GARNL3: variants seen among roughly 807,000 people sequenced by gnomAD.
The protein encoded by GARNL3 is GTPase activating Rap/RanGAP domain like 3.
Under a neutral mutation model 125.0 loss-of-function variants are expected in GARNL3, and 63 were observed. The ratio of observed to expected loss-of-function variants is 0.50; its 90% CI spans 0.41 to 0.62. GARNL3 has a LOEUF of 0.62. Ranked by LOEUF, GARNL3 falls within the 20% of genes least tolerant of loss-of-function variation. The pLI is 0.00. For synonymous variants in GARNL3, 439 were observed against 457.5 expected (o/e 0.96, Z 0.52); for missense variants, 994 against 1,244.0 (o/e 0.80, Z 3.02).
At position 127,384,709 on chromosome 9, in the gene GARNL3, C is replaced by A. The variant is rs1220072195; in HGVS notation, c.2270-318C>A. Among the ~76,000 whole-genome samples the A allele has an allele frequency of 6.6e-6, 1 of 152,186 alleles. No homozygotes were observed. The highest frequency in any genetic ancestry group is 2.4e-5 in the African/African-American group (1 of 41,448). ...GCTGGCGTCTGAACAACAGAAGGGACTCCCCACAGGACTATGGCAAGTGAG... is the reference window on the plus strand; with the variant it reads ...GCTGGCGTCTGAACAACAGAAGGGAATCCCCACAGGACTATGGCAAGTGAG... On this transcript the variant is annotated intron_variant, in intron 23 of 27. Coordinates refer to ENST00000373387, the MANE Select transcript of GARNL3 (RefSeq NM_032293.5). The surrounding 1 kb of genome is among the most constrained non-coding windows in gnomAD (Gnocchi z 4.0).
At chr9:127,373,688 G>A (rs562920252) in intron 22 of GARNL3, among the ~76,000 whole-genome samples, 1 of 152,358 alleles carries the variant, frequency 6.6e-6, no homozygotes, top group East Asian at 1.9e-4. Flanking sequence ...CTTGGTGGAA[G>A]AGTGAATGAA....
intron 16 of GARNL3, among the ~76,000 whole-genome samples, chr9:127,346,947 TC>T (rs1435097939): frequency 6.6e-6 from 1 of 152,030 alleles, no homozygotes; most frequent in Non-Finnish European, 1.5e-5. Context: ...ACATGAAGGC[TC>T]CCCCATGGAA....
intron 22 of GARNL3, among the ~76,000 whole-genome samples, chr9:127,371,637 C>T (rs1831612397): frequency 1.3e-5 from 2 of 152,168 alleles, no homozygotes; most frequent in African/African-American, 4.8e-5. Context: ...GAAAAAGTGT[C>T]ATAAGACTTT....
intron 7 of GARNL3, among the ~76,000 whole-genome samples, chr9:127,331,423 G>A (rs868534249): frequency 3.3e-5 from 5 of 151,990 alleles, no homozygotes; most frequent in Non-Finnish European, 7.4e-5. Context: ...AACCAGGGAG[G>A]TGGAGGTTGC....
chr9:127,335,188 C>G (rs367798041), intron 9 of GARNL3, 42 bp from the exon 10 acceptor site: 9 of 1,375,142 alleles, frequency 6.5e-6, no homozygotes, highest in East Asian at 2.3e-5. Flanking sequence ...CCTTTTGGCT[C>G]GAATTCTCTG....
At chr9:127,361,506 C>G (rs1227566370) in intron 21 of GARNL3, among the ~76,000 whole-genome samples, 1 of 152,210 alleles carries the variant, frequency 6.6e-6, no homozygotes, top group Non-Finnish European at 1.5e-5. Context: ...AAGAACCCCA[C>G]CAGGCCCCTG....
Position 127,338,023 on chromosome 9 carries a change from G to A in GARNL3, c.983-93G>A, listed in dbSNP as rs1414352002. On this transcript the variant is annotated intron_variant, in intron 11 of 27. Coordinates refer to ENST00000373387, the MANE Select transcript of GARNL3 (RefSeq NM_032293.5). ...AGGTGCCCTAAGCACAGAAGCGCTG[G>A]TCGAGAATGACTCTGCACAAGGGAT... The A allele has an allele frequency of 6.4e-6, 6 of 934,630 alleles. No individual in the cohort carries two copies. The East Asian group carries it at 1.4e-4, about 22-fold the overall frequency. 57.9% of individuals were successfully genotyped at this position (934,630 alleles called of 1,614,324 possible).
intron 1 of GARNL3, among the ~76,000 whole-genome samples, chr9:127,226,621 C>G (rs2062918342): frequency 6.6e-6 from 1 of 152,154 alleles, no homozygotes; most frequent in Admixed American, 6.5e-5. Context: ...ATTTTCTTTC[C>G]TTTCCTCTCT....
At position 127,313,373 on chromosome 9, in the gene GARNL3, G is replaced by A. The variant is rs899021824; in HGVS notation, c.320-68G>A. On this transcript the variant is annotated intron_variant, in intron 3 of 27. Coordinates refer to ENST00000373387, the MANE Select transcript of GARNL3 (RefSeq NM_032293.5). ...TGGGAAGGGCTGGACACCACCTGCA[G>A]TGTCCTCTACCATCTGTGGCTGGCA... 8.2e-6 allele frequency: 9 copies of A among 1,101,002 alleles called. No homozygotes were observed. The African/African-American group carries it at 1.4e-4, about 17-fold the overall frequency. The allele number at this position is 1,101,002 out of a possible 1,614,324, so 68.2% of individuals were successfully genotyped here. A position where few individuals can be genotyped will look rare whatever the true frequency, so the allele number is the denominator to read the frequency against.
intron 24 of GARNL3, among the ~76,000 whole-genome samples, chr9:127,386,187 T>C (rs777453484): frequency 2.0e-5 from 3 of 152,216 alleles, no homozygotes; most frequent in Non-Finnish European, 4.4e-5. Context: ...AATCCACTCA[T>C]TTTTTTCCAA....
intron 2 of GARNL3, among the ~76,000 whole-genome samples, chr9:127,304,246 A>G (rs1053290841): frequency 6.6e-5 from 10 of 152,234 alleles, no homozygotes; most frequent in African/African-American, 2.2e-4. Flanking sequence ...ATTAGTTAGG[A>G]TTTATTGTAG....
At chr9:127,361,505 A>G (rs1001227189) in intron 21 of GARNL3, among the ~76,000 whole-genome samples, 7 of 152,180 alleles carry the variant, frequency 4.6e-5, no homozygotes, top group African/African-American at 1.7e-4. Context: ...CAAGAACCCC[A>G]CCAGGCCCCT....
chr9:127,281,354 T>G (rs917406282), intron 1 of GARNL3, among the ~76,000 whole-genome samples: 7 of 152,006 alleles, frequency 4.6e-5, no homozygotes, highest in African/African-American at 2.4e-5. Context: ...GGGTGTTGAG[T>G]TTGCTGAGGA....
chr9:127,285,197 C>T (rs753166058), intron 1 of GARNL3, among the ~76,000 whole-genome samples: 4 of 152,082 alleles, frequency 2.6e-5, no homozygotes, highest in Non-Finnish European at 5.9e-5. Context: ...TTTGGGAGGC[C>T]GAGGTGGGCG....
chr9:127,343,606 G>T (rs1263711018), intron 14 of GARNL3, among the ~76,000 whole-genome samples: 3 of 152,170 alleles, frequency 2.0e-5, no homozygotes, highest in Non-Finnish European at 2.9e-5. Flanking sequence ...CCAAAATCTG[G>T]CAGAAGACTA....
chr9:127,340,166 G>T (rs1473713538), intron 13 of GARNL3, among the ~76,000 whole-genome samples: 1 of 152,146 alleles, frequency 6.6e-6, no homozygotes, highest in Non-Finnish European at 1.5e-5. Flanking sequence ...GTGCACACTT[G>T]CGTGAGTGTA....
At chr9:127,237,504 C>T (rs1241626381) in intron 1 of GARNL3, among the ~76,000 whole-genome samples, 1 of 152,236 alleles carries the variant, frequency 6.6e-6, no homozygotes, top group Admixed American at 6.5e-5. Context: ...AACTTTTGCA[C>T]AGTGGAAGGG....
intron 1 of GARNL3, among the ~76,000 whole-genome samples, chr9:127,241,333 C>T (rs573301322): frequency 6.6e-5 from 10 of 152,250 alleles, no homozygotes; most frequent in African/African-American, 2.2e-4. Context: ...CATCCTGAAG[C>T]CCTGATTTGT....
chr9:127,372,213 GT>G (rs1831650240), intron 22 of GARNL3, among the ~76,000 whole-genome samples: 1 of 152,156 alleles, frequency 6.6e-6, no homozygotes, highest in Admixed American at 6.6e-5. Context: ...GTCAGGTATT[GT>G]TTTAGAGGAG....
Sources: allele counts gnomAD v4.1 joint callset (sites outside exome capture counted in the v4.1 genomes callset), GRCh38; gene constraint gnomAD v4.1.1; non-coding constraint Gnocchi (gnomAD v3.1); transcripts MANE v1.5; gene names NCBI Gene and HGNC (gene_info 2026-07-23, HGNC 2026-07-21).